Variants in FAAP20 observed in about 807,000 individuals in gnomAD.
The protein encoded by FAAP20 is Fanconi anemia core complex-associated protein 20.
Under a neutral mutation model 16.2 loss-of-function variants are expected in FAAP20, and 12 were observed. That is an observed-to-expected ratio of 0.74 (90% CI 0.48 to 1.20). The LOEUF (loss-of-function observed/expected upper bound fraction) is 1.20. Among genes scored for constraint, FAAP20 ranks in the 50% most tolerant of loss-of-function variants. The pLI, the probability that FAAP20 is intolerant of heterozygous loss-of-function variation, is 0.00. For synonymous variants in FAAP20, 141 were observed against 110.7 expected (o/e 1.27, Z -1.72); for missense variants, 288 against 245.8 (o/e 1.17, Z -1.15).
chr1:2,188,247 C>T (rs955410001), downstream of FAAP20, among the ~76,000 whole-genome samples: 1 of 152,220 alleles, frequency 6.6e-6, no homozygotes, highest in East Asian at 1.9e-4. Flanking sequence ...TTCTGTGCTC[C>T]ACTCACACTG....
intron 3 of FAAP20, chr1:2,191,942 C>T: frequency 1.0e-6 from 1 of 985,454 alleles, no homozygotes; most frequent in Non-Finnish European, 1.2e-6. Context: ...GAACATTCTA[C>T]ATAGTTTGTC....
chr1:2,185,513 C>T (rs1318737333), downstream of FAAP20: 8 of 716,826 alleles, frequency 1.1e-5, no homozygotes, highest in Non-Finnish European at 7.8e-6. Flanking sequence ...AGTTGAAGTA[C>T]CTGTGGGGAC....
At chr1:2,200,762 C>G, upstream of FAAP20, 2 of 995,698 alleles carry the variant, frequency 2.0e-6, no homozygotes, top group Non-Finnish European at 2.4e-6. Flanking sequence ...CTCCTGTCCA[C>G]CACACCCGGA....
At chr1:2,184,707 C>T, downstream of FAAP20, 4 of 1,610,048 alleles carry the variant, frequency 2.5e-6, no homozygotes, top group Non-Finnish European at 3.4e-6. Flanking sequence ...GAGTGAGTCC[C>T]ACTGGGTGCG....
chr1:2,207,909 C>CGTGTGTGTGTGTGTGT (rs58549960), downstream of FAAP20, among the ~76,000 whole-genome samples: 8 of 145,890 alleles, frequency 5.5e-5, no homozygotes, highest in Middle Eastern at 3.5e-3. Context: ...TGGTAACACC[C>CGTGTGTGTGTGTGTGT]GTGTGTGTGT....
intron 3 of FAAP20, chr1:2,191,018 C>T (rs1364474928): frequency 1.9e-5 from 3 of 154,202 alleles, no homozygotes; most frequent in Admixed American, 6.4e-5. Context: ...GCTGCCTTCT[C>T]ACTCTGGCAG....
At position 2,193,668 on chromosome 1, in the gene FAAP20, G is replaced by C. The variant is rs1688506818; in HGVS notation, c.441C>G (p.Cys147Trp). The change falls in exon 3 of 4, where the codon TGC becomes TGG. Residue 147 changes from cysteine (C) to tryptophan (W), a missense_variant. Cys to Trp is a radical substitution (Grantham distance 215). Coordinates refer to ENST00000378546, the MANE Select transcript of FAAP20 (RefSeq NM_182533.4). ...SVEGAAALRS[C>W]PMCQKEFAPR... The stretch of plus-strand genomic sequence containing the variant: ...GGGCGAACTCCTTCTGGCACATGGG[G>C]CAGCTGCGCAGGGCCGCGGCACCCT... 1.9e-6 allele frequency: 3 copies of C among 1,600,600 alleles called. No individual in the cohort carries two copies. Among genetic ancestry groups the C allele is most frequent in the Non-Finnish European group, 1.7e-6 (2 of 1,176,486 alleles).
At chr1:2,190,250 G>A (rs781051595) in intron 3 of FAAP20, 13 of 457,170 alleles carry the variant, frequency 2.8e-5, no homozygotes, top group African/African-American at 2.0e-4. Flanking sequence ...TGTTTCTGGC[G>A]AGGAGGGACC....
chr1:2,196,142 A>G (rs988338441), upstream of FAAP20, among the ~76,000 whole-genome samples: 3 of 152,192 alleles, frequency 2.0e-5, no homozygotes, highest in Admixed American at 6.5e-5. This position sits in a 1 kb window ranked among gnomAD's most constrained non-coding sequence, Gnocchi z 4.5. Context: ...GCCAGTGTCC[A>G]GGGCTCCCCG....
chr1:2,205,413 G>A (rs1689221241), intron 3 of FAAP20, among the ~76,000 whole-genome samples: 1 of 150,126 alleles, frequency 6.7e-6, no homozygotes, highest in Non-Finnish European at 1.5e-5. Context: ...CCCCGCGAGG[G>A]GAGCCTGTCC....
upstream of FAAP20, chr1:2,194,812 C>G (rs1029116122): frequency 9.2e-6 from 10 of 1,089,752 alleles, no homozygotes; most frequent in African/African-American, 1.5e-4. Context: ...GCCCCGCCCC[C>G]GCCCCGGCCC....
chr1:2,185,338 C>T, downstream of FAAP20: 1 of 718,816 alleles, frequency 1.4e-6, no homozygotes, highest in East Asian at 2.7e-5. Flanking sequence ...CTGACCTGCT[C>T]CGCCAGGAAA....
At chr1:2,194,538 G>C (rs1688667979) in intron 1 of FAAP20, 150 bp downstream of exon 1, 1 of 335,024 alleles carries the variant, frequency 3.0e-6, no homozygotes, top group South Asian at 1.3e-4. Flanking sequence ...GCTGAATGGC[G>C]GCGCGGGGTG....
At chr1:2,189,934 A>G in intron 3 of FAAP20, 153 bp from the exon 4 acceptor site, 1 of 666,068 alleles carries the variant, frequency 1.5e-6, no homozygotes, top group East Asian at 2.7e-5. Context: ...GGGCTCATGC[A>G]CCCGGCAGAC....
At chr1:2,211,412 TA>T (rs1689434831), downstream of FAAP20, among the ~76,000 whole-genome samples, 1 of 21,202 alleles carries the variant, frequency 4.7e-5, no homozygotes, top group African/African-American at 2.8e-4. Flanking sequence ...TATATATATA[TA>T]TATATATATA....
downstream of FAAP20, among the ~76,000 whole-genome samples, chr1:2,208,121 C>T (rs1308217907): frequency 3.9e-5 from 6 of 152,076 alleles, no homozygotes; most frequent in Admixed American, 3.3e-4. Flanking sequence ...AGGCTCAGCC[C>T]CTGCCTGGGG....
chr1:2,194,961 G>A (rs1688743300), upstream of FAAP20, among the ~76,000 whole-genome samples: 1 of 151,924 alleles, frequency 6.6e-6, no homozygotes, highest in African/African-American at 2.4e-5. Context: ...GTGAGGGTGG[G>A]GGGCCCAGGT....
At chr1:2,195,337 C>A (rs1008632529), upstream of FAAP20, among the ~76,000 whole-genome samples, 1 of 152,218 alleles carries the variant, frequency 6.6e-6, no homozygotes, top group Non-Finnish European at 1.5e-5. Flanking sequence ...CCGGGCTCTG[C>A]GACCTCAAAG....
chr1:2,198,104 T>A (rs1422396767), upstream of FAAP20: 2 of 1,291,242 alleles, frequency 1.5e-6, no homozygotes, highest in Admixed American at 4.6e-5. Flanking sequence ...AACGCTCCAC[T>A]TCTTCGGAGC....
Sources: gnomAD v4.1 joint callset for allele counts (sites outside exome capture counted in the v4.1 genomes callset) on GRCh38, gnomAD v4.1.1 for gene constraint, Gnocchi (gnomAD v3.1) non-coding constraint, MANE v1.5 for transcripts, NCBI Gene and HGNC (gene_info 2026-07-23, HGNC 2026-07-21) for gene names.